Variants in SIMC1 observed in about 807,000 individuals in gnomAD.
SIMC1 encodes SUMO interacting motifs containing 1, also known as SUMO-interacting motif-containing protein 1.
SIMC1 carries 55 observed loss-of-function variants against 82.3 expected under a neutral mutation model. The observed-to-expected ratio is 0.67, with a 90% CI of 0.54 to 0.84. SIMC1 has a LOEUF of 0.84. Ranked by LOEUF, SIMC1 falls within the 40% of genes least tolerant of loss-of-function variation. The pLI is 0.00. For missense variants in SIMC1, 915 were observed against 1,107.2 expected (o/e 0.83, Z 2.46); for synonymous variants, 353 against 426.3 (o/e 0.83, Z 2.12).
At chr5:176,279,306 G>T (rs1490301206) in intron 1 of SIMC1, among the ~76,000 whole-genome samples, 1 of 152,138 alleles carries the variant, frequency 6.6e-6, no homozygotes, top group Non-Finnish European at 1.5e-5. Flanking sequence ...GTTTCTGTGG[G>T]ATTGGTGGTG....
At chr5:176,312,701 C>G (rs1764718521) in intron 4 of SIMC1, among the ~76,000 whole-genome samples, 1 of 152,180 alleles carries the variant, frequency 6.6e-6, no homozygotes, top group Non-Finnish European at 1.5e-5. Context: ...AGAATGGTCA[C>G]TTAGTTTCCT....
At chr5:176,247,248 T>C (rs1192547320) in intron 1 of SIMC1, among the ~76,000 whole-genome samples, 5 of 152,186 alleles carry the variant, frequency 3.3e-5, no homozygotes, top group Non-Finnish European at 7.4e-5. Context: ...TTCCTATTTC[T>C]CCACATCCTC....
intron 1 of SIMC1, among the ~76,000 whole-genome samples, chr5:176,252,571 C>G (rs1406821824): frequency 6.6e-5 from 10 of 150,964 alleles, no homozygotes; most frequent in Non-Finnish European, 1.5e-4. Flanking sequence ...TCCTCACTTC[C>G]TAGATGGGAT....
intron 7 of SIMC1, among the ~76,000 whole-genome samples, chr5:176,334,175 ATCT>A (rs1765788653): frequency 6.6e-6 from 1 of 152,140 alleles, no homozygotes; most frequent in Non-Finnish European, 1.5e-5. Context: ...TATGAATTAC[ATCT>A]TCCTGCTTTT....
chr5:176,293,085 A>G (rs1763653257), intron 2 of SIMC1, among the ~76,000 whole-genome samples: 1 of 152,192 alleles, frequency 6.6e-6, no homozygotes, highest in Middle Eastern at 3.4e-3. Context: ...TATTTATGAG[A>G]TAGGAATAAT....
At chr5:176,268,902 G>A (rs933855907) in intron 1 of SIMC1, among the ~76,000 whole-genome samples, 6 of 152,286 alleles carry the variant, frequency 3.9e-5, no homozygotes, top group African/African-American at 1.4e-4. Flanking sequence ...AGATTCACCA[G>A]GGTAGGCTGT....
chr5:176,323,173 A>G (rs541415097), intron 6 of SIMC1, among the ~76,000 whole-genome samples: 8 of 152,298 alleles, frequency 5.3e-5, no homozygotes, highest in African/African-American at 1.7e-4. Context: ...ATTGTAAATA[A>G]TTATAACTAA....
At chr5:176,319,159 G>A (rs963426521) in intron 5 of SIMC1, among the ~76,000 whole-genome samples, 7 of 152,084 alleles carry the variant, frequency 4.6e-5, no homozygotes, top group African/African-American at 1.7e-4. Flanking sequence ...TTCTTTGTAT[G>A]TGCCCTGGTT....
At chr5:176,319,206 A>G (rs765004097) in intron 5 of SIMC1, among the ~76,000 whole-genome samples, 2 of 152,230 alleles carry the variant, frequency 1.3e-5, no homozygotes, top group Non-Finnish European at 2.9e-5. Flanking sequence ...TCTTTTTGCC[A>G]AATGTGCTTA....
chr5:176,323,920 G>A (rs879401710), intron 6 of SIMC1, among the ~76,000 whole-genome samples: 5 of 151,824 alleles, frequency 3.3e-5, no homozygotes, highest in East Asian at 1.9e-4. Context: ...CCTGGGAGGC[G>A]GAGCTGGCAG....
intron 5 of SIMC1, among the ~76,000 whole-genome samples, 164 bp downstream of exon 5, chr5:176,314,009 G>A (rs1764791674): frequency 6.6e-6 from 1 of 152,210 alleles, no homozygotes; most frequent in South Asian, 2.1e-4. Context: ...ATTCACACCT[G>A]TAATCCCAGT....
intron 4 of SIMC1, among the ~76,000 whole-genome samples, chr5:176,304,857 G>C (rs1289021786): frequency 6.7e-6 from 1 of 150,352 alleles, no homozygotes; most frequent in Admixed American, 6.6e-5. Flanking sequence ...GGGATGTGAG[G>C]AGCGCCTCTG....
Position 176,290,685 on chromosome 5 carries a change from C to G in SIMC1, c.1161C>G (p.Ile387Met). The G allele has an allele frequency of 6.2e-7, 1 of 1,614,004 alleles. No individual in the cohort carries two copies. The highest frequency in any genetic ancestry group is 1.1e-5 in the South Asian group (1 of 91,080). The change falls in exon 2 of 10, where the codon ATC (isoleucine) becomes ATG (methionine). Residue 387 changes from isoleucine (I) to methionine (M), a missense_variant. Physicochemically the swap from Ile to Met is conservative, Grantham distance 10. This residue lies in a region of SIMC1 where 902 missense variants were observed against 1,040.3 expected (regional missense o/e 0.87). Coordinates refer to ENST00000429602, the MANE Select transcript of SIMC1 (RefSeq NM_001308195.2). ...AGAACCGTGACATGCCTATGGATAT[C>G]TCAGCTCTGTCCTCTCCAAGCTGCT... Reference protein sequence around the residue: ...DVQNRDMPMDISALSSPSCSP... With the variant: ...DVQNRDMPMDMSALSSPSCSP...
At chr5:176,268,466 A>T (rs984285552) in intron 1 of SIMC1, among the ~76,000 whole-genome samples, 1 of 137,548 alleles carries the variant, frequency 7.3e-6, no homozygotes, top group Non-Finnish European at 1.5e-5. Flanking sequence ...AAATACACTG[A>T]GAGTAAAAGG....
chr5:176,287,569 T>C (rs1763347104), intron 1 of SIMC1, among the ~76,000 whole-genome samples: 1 of 152,018 alleles, frequency 6.6e-6, no homozygotes, highest in Non-Finnish European at 1.5e-5. Context: ...ACATCGCACA[T>C]GTACACATAT....
intron 2 of SIMC1, among the ~76,000 whole-genome samples, chr5:176,293,009 G>T (rs1484771154): frequency 6.6e-6 from 1 of 152,146 alleles, no homozygotes; most frequent in South Asian, 2.1e-4. Context: ...TTTACGCCAC[G>T]TGTGTTTGAA....
intron 1 of SIMC1, among the ~76,000 whole-genome samples, chr5:176,245,882 G>A (rs1322276753): frequency 1.3e-5 from 2 of 152,044 alleles, no homozygotes; most frequent in Admixed American, 6.6e-5. Flanking sequence ...GGCAGTTGCT[G>A]GGCAGATGTC....
At chr5:176,285,793 C>T (rs956505122) in intron 1 of SIMC1, among the ~76,000 whole-genome samples, 5 of 152,220 alleles carry the variant, frequency 3.3e-5, no homozygotes, top group African/African-American at 1.2e-4. Context: ...AGCAAAGTCT[C>T]AGGATACAAA....
intron 7 of SIMC1, among the ~76,000 whole-genome samples, chr5:176,331,328 C>A (rs1197697943): frequency 6.6e-6 from 1 of 150,492 alleles, no homozygotes; most frequent in East Asian, 2.0e-4. Flanking sequence ...CGCGATCGCG[C>A]CACTGCACTC....
Sources: gnomAD v4.1 joint callset for allele counts (sites outside exome capture counted in the v4.1 genomes callset) on GRCh38, gnomAD v4.1.1 for gene constraint, gnomAD v4.1.1 regional missense constraint, MANE v1.5 for transcripts, NCBI Gene and HGNC (gene_info 2026-07-23, HGNC 2026-07-21) for gene names.